The following RASSF8 variants were observed in gnomAD, a reference collection of about 807,000 sequenced individuals.
The protein encoded by RASSF8 is ras association domain-containing protein 8.
Under a neutral mutation model 48.5 loss-of-function variants are expected in RASSF8, and 22 were observed. The observed-to-expected ratio is 0.45, with a 90% CI of 0.32 to 0.65. RASSF8 has a LOEUF of 0.65. Among genes scored for constraint, RASSF8 ranks in the 30% least tolerant of loss-of-function variants. RASSF8 has a pLI of 0.03. For synonymous variants in RASSF8, 127 were observed against 171.5 expected (o/e 0.74, Z 2.03); for missense variants, 418 against 489.2 (o/e 0.85, Z 1.37).
intron 2 of RASSF8, among the ~76,000 whole-genome samples, chr12:26,039,062 T>C (rs1403063893): frequency 6.6e-6 from 1 of 152,216 alleles, no homozygotes; most frequent in Non-Finnish European, 1.5e-5. Context: ...AGGAACATCA[T>C]GGATGTTCCT....
chr12:26,059,910 T>G (rs1460531053), intron 3 of RASSF8, among the ~76,000 whole-genome samples: 1 of 152,162 alleles, frequency 6.6e-6, no homozygotes, highest in African/African-American at 2.4e-5. Flanking sequence ...CTGTAACTGT[T>G]TTTTTGAGAC....
intron 2 of RASSF8, among the ~76,000 whole-genome samples, chr12:26,002,204 G>A (rs185585094): frequency 4.6e-5 from 7 of 152,298 alleles, no homozygotes; most frequent in East Asian, 3.9e-4. Flanking sequence ...AGGCCAAGGC[G>A]GGTGGATCAC....
At chr12:25,988,144 A>G (rs997227818) in intron 1 of RASSF8, among the ~76,000 whole-genome samples, 4 of 151,870 alleles carry the variant, frequency 2.6e-5, no homozygotes, top group African/African-American at 9.7e-5. Context: ...TACAGGTGTG[A>G]GCCACCACGC....
At chr12:26,058,666 C>T (rs1202699946) in intron 3 of RASSF8, among the ~76,000 whole-genome samples, 3 of 152,170 alleles carry the variant, frequency 2.0e-5, no homozygotes, top group Admixed American at 1.3e-4. Context: ...AAAATATGCA[C>T]ACAAGTTGTC....
chr12:26,071,822 A>T lies in RASSF8; in HGVS notation c.*3004A>T, dbSNP rs1216618348. The stretch of plus-strand genomic sequence containing the variant: ...AAACTATATAAATACAGTAAAAAAA[A>T]AATAGAATTTATGGTGTGAAATATG... On this transcript the variant is annotated 3_prime_UTR_variant, in exon 6 of 6. Coordinates refer to ENST00000689635, the MANE Select transcript of RASSF8 (RefSeq NM_001394098.1). The T allele has an allele frequency of 3.1e-6, 3 of 982,386 alleles. No individual in the cohort carries two copies. In the African/African-American group the frequency reaches 5.2e-5, roughly 17 times the overall value. 60.9% of individuals were successfully genotyped at this position (982,386 alleles called of 1,614,324 possible).
rs775925832 is a variant in RASSF8 at position 26,064,717 on chromosome 12, C to T, written c.323C>T (p.Pro108Leu). 3 of 1,614,128 alleles carry T rather than the reference C, an allele frequency of 1.9e-6. No homozygotes were observed. The highest frequency in any genetic ancestry group is 1.3e-5 in the African/African-American group (1 of 75,020). ...ACTTTATACAGGCAGAGTCTGCCCC[C>T]CTTAGCTAAACTGAGGCCTCAGATT... ...ERTLYRQSLPPLAKLRPQIDK... is the reference protein window; with the variant it reads ...ERTLYRQSLPLLAKLRPQIDK... Residue 108 changes from proline to leucine, a missense_variant, in exon 4 of 6, where the codon CCC becomes CTC. By Grantham distance (98) the Pro-to-Leu change is moderately conservative. Transcript: ENST00000689635.
chr12:25,971,038 C>T (rs1314457265), intron 1 of RASSF8, among the ~76,000 whole-genome samples: 1 of 152,124 alleles, frequency 6.6e-6, no homozygotes, highest in Non-Finnish European at 1.5e-5. Context: ...TTTAGAAGCC[C>T]TCTACTTTAA....
chr12:26,034,280 G>A (rs1943085599), intron 2 of RASSF8, among the ~76,000 whole-genome samples: 1 of 152,072 alleles, frequency 6.6e-6, no homozygotes, highest in Non-Finnish European at 1.5e-5. Context: ...GTCCACAGGG[G>A]CAGGACAAAA....
At chr12:26,074,809 G>A (rs1186686658), downstream of RASSF8, among the ~76,000 whole-genome samples, 1 of 152,160 alleles carries the variant, frequency 6.6e-6, no homozygotes, top group Non-Finnish European at 1.5e-5. Context: ...GGGCTGTCTG[G>A]TGGAGCTGTA....
Position 26,072,756 on chromosome 12 carries a change from C to A in RASSF8, c.*3938C>A, listed in dbSNP as rs1944025574. 1 of 944,742 alleles carries A rather than the reference C, an allele frequency of 1.1e-6. No individual in the cohort carries two copies. The highest frequency in any genetic ancestry group is 1.8e-5 in the African/African-American group (1 of 56,282). 58.5% of individuals were successfully genotyped at this position (944,742 alleles called of 1,614,324 possible). ...GTAATATGTATTATATGTAATTATC[C>A]TTTTCTTTGACTTTCATTTTAAATG... is the stretch of plus-strand genomic sequence containing the variant. On this transcript the variant is annotated 3_prime_UTR_variant, in exon 6 of 6. Coordinates refer to ENST00000689635, the MANE Select transcript of RASSF8 (RefSeq NM_001394098.1).
At chr12:26,054,052 C>A (rs907232254) in intron 2 of RASSF8, among the ~76,000 whole-genome samples, 8 of 152,054 alleles carry the variant, frequency 5.3e-5, no homozygotes, top group African/African-American at 1.9e-4. Context: ...TTTAAATAAG[C>A]CATTAATTCT....
At chr12:26,002,455 A>C (rs986024166) in intron 2 of RASSF8, among the ~76,000 whole-genome samples, 4 of 151,334 alleles carry the variant, frequency 2.6e-5, no homozygotes, top group Middle Eastern at 3.2e-3. Flanking sequence ...ACAAAAAAAA[A>C]CAAATAGAGT....
chr12:25,972,045 T>C (rs1389932446), intron 1 of RASSF8, among the ~76,000 whole-genome samples: 1 of 152,226 alleles, frequency 6.6e-6, no homozygotes, highest in African/African-American at 2.4e-5. Flanking sequence ...GCACAGCTAG[T>C]CGTTGAGTGA....
At position 26,071,898 on chromosome 12, in the gene RASSF8, A is replaced by G; in HGVS notation, c.*3080A>G. The G allele has an allele frequency of 1.0e-6, 1 of 985,206 alleles. No homozygotes were observed. Among genetic ancestry groups the G allele is most frequent in the Non-Finnish European group, 1.2e-6 (1 of 829,688 alleles). 61.0% of individuals were successfully genotyped at this position (985,206 alleles called of 1,614,324 possible). A position where few individuals can be genotyped will look rare whatever the true frequency, so the allele number is the denominator to read the frequency against. On this transcript the variant is annotated 3_prime_UTR_variant, in exon 6 of 6. Coordinates refer to ENST00000689635, the MANE Select transcript of RASSF8 (RefSeq NM_001394098.1). The stretch of plus-strand genomic sequence containing the variant: ...ATGTAAGCACTTGCTTCCACAGCAT[A>G]AATGTAATTTACATCTGCATTAAAG...
chr12:26,051,637 A>G (rs1943492430), intron 2 of RASSF8, among the ~76,000 whole-genome samples: 1 of 152,182 alleles, frequency 6.6e-6, no homozygotes, highest in African/African-American at 2.4e-5. Flanking sequence ...CTCCCAAAAG[A>G]TTTCCGGTAC....
In RASSF8 at chr12:26,059,669, A is replaced by T. The variant is rs1943696730; in HGVS notation, c.103+4223A>T. On this transcript the variant is annotated intron_variant, in intron 3 of 5. Coordinates refer to ENST00000689635, the MANE Select transcript of RASSF8 (RefSeq NM_001394098.1). Reference sequence around the variant, plus strand: ...CATTTGCAATTTTAATATTTATAACAATAGTCTAATTTTTTATTTTAATTA... The same window carrying T: ...CATTTGCAATTTTAATATTTATAACTATAGTCTAATTTTTTATTTTAATTA... Among the ~76,000 whole-genome samples the T allele has an allele frequency of 4.6e-5, 7 of 152,292 alleles. No homozygotes were observed. In the South Asian group the frequency reaches 1.5e-3, roughly 32 times the overall value.
intron 2 of RASSF8, among the ~76,000 whole-genome samples, chr12:26,014,118 G>T (rs892506277): frequency 7.9e-5 from 12 of 152,236 alleles, no homozygotes; most frequent in Admixed American, 7.9e-4. Flanking sequence ...GGCACAGCCA[G>T]CTGGTGCCTT....
intron 1 of RASSF8, among the ~76,000 whole-genome samples, chr12:25,970,928 C>T (rs1248014653): frequency 6.6e-6 from 1 of 152,216 alleles, no homozygotes; most frequent in African/African-American, 2.4e-5. Flanking sequence ...ACCAGCCTGG[C>T]TGTCCCTTTC....
At chr12:25,998,119 A>G (rs974054224) in intron 2 of RASSF8, among the ~76,000 whole-genome samples, 1 of 152,208 alleles carries the variant, frequency 6.6e-6, no homozygotes, top group Non-Finnish European at 1.5e-5. Flanking sequence ...TTTGGTTTTC[A>G]TGAAGCTCTG....
Sources: gnomAD v4.1 joint callset for allele counts (sites outside exome capture counted in the v4.1 genomes callset) on GRCh38, gnomAD v4.1.1 for gene constraint, MANE v1.5 for transcripts, NCBI Gene and HGNC (gene_info 2026-07-23, HGNC 2026-07-21) for gene names.